Variants in SLIT3 observed in about 807,000 individuals in gnomAD.
The protein encoded by SLIT3 is slit guidance ligand 3, also known as slit homolog 3 protein.
SLIT3 carries 68 observed loss-of-function variants against 184.0 expected under a neutral mutation model. The ratio of observed to expected loss-of-function variants is 0.37; its 90% CI spans 0.30 to 0.45. SLIT3 has a LOEUF of 0.45. Among genes scored for constraint, SLIT3 ranks in the 20% least tolerant of loss-of-function variants. SLIT3 has a pLI of 1.00. For missense variants in SLIT3, 1,707 were observed against 2,026.0 expected, an observed-to-expected ratio of 0.84 and a Z score of 3.02; for synonymous variants, 831 against 828.6, an observed-to-expected ratio of 1.00 and a Z score of -0.05.
At chr5:168,702,664 A>G (rs1294952311) in intron 26 of SLIT3, among the ~76,000 whole-genome samples, 1 of 138,758 alleles carries the variant, frequency 7.2e-6, no homozygotes. Flanking sequence ...TGGCAGCTCC[A>G]TAAATAATAG....
At chr5:169,238,047 C>T (rs534116774) in intron 3 of SLIT3, among the ~76,000 whole-genome samples, 32 of 152,184 alleles carry the variant, frequency 2.1e-4, no homozygotes, top group East Asian at 3.9e-4. Flanking sequence ...TTTCTGGGCT[C>T]GCTATTCTGT....
At chr5:168,919,885 G>A (rs976305580) in intron 4 of SLIT3, among the ~76,000 whole-genome samples, 4 of 152,098 alleles carry the variant, frequency 2.6e-5, no homozygotes, top group African/African-American at 9.7e-5. Flanking sequence ...TCTTTGATGC[G>A]AGGTTTTGAT....
At position 169,265,550 on chromosome 5, in the gene SLIT3, C is replaced by T. The variant is rs35705333; in HGVS notation, c.198-14091G>A. Among the ~76,000 whole-genome samples, 621 of 152,302 alleles carry T rather than the reference C, an allele frequency of 4.1e-3. 2 individuals carry two copies. Among genetic ancestry groups the T allele is most frequent in the African/African-American group, 0.011 (463 of 41,564 alleles). On this transcript the variant is annotated intron_variant, in intron 1 of 35. Transcript: ENST00000519560. The stretch of plus-strand genomic sequence containing the variant: ...TTGAGATCCCTGCTGCCAAACATAG[C>T]GCTTAAGGTGGCAGGCCCTAGAATC...
At chr5:168,968,948 G>C (rs1581254839) in intron 4 of SLIT3, among the ~76,000 whole-genome samples, 1 of 152,186 alleles carries the variant, frequency 6.6e-6, no homozygotes, top group African/African-American at 2.4e-5. Context: ...GGAAACCCAG[G>C]TGGAGTCTAC....
In SLIT3 at chr5:168,686,985, C is replaced by T; in HGVS notation, c.3308G>A (p.Gly1103Asp). 6.2e-7 allele frequency: 1 copy of T among 1,613,780 alleles called. No homozygotes were observed. Among genetic ancestry groups the T allele is most frequent in the Non-Finnish European group, 8.5e-7 (1 of 1,179,680 alleles). ...INGYTCTCPQGFSGPFCEHPP... is the reference protein window; with the variant it reads ...INGYTCTCPQDFSGPFCEHPP... ...AGGTGCCCTCCTGCCTTACCTGAAG[C>T]CCTGGGGGCAGGTGCATGTGTAGCC... is the stretch of plus-strand genomic sequence containing the variant. The change falls in exon 30 of 36, where the codon GGC (glycine) becomes GAC (aspartate). Residue 1103 changes from glycine to aspartate, a missense_variant. This residue lies in a region of SLIT3 where 1,307 missense variants were observed against 1,511.6 expected (regional missense o/e 0.86). Transcript: ENST00000519560.
In SLIT3 at chr5:168,897,338, C is replaced by T. The variant is rs552309027; in HGVS notation, c.414-14002G>A. Among the ~76,000 whole-genome samples the T allele has an allele frequency of 2.1e-3, 326 of 152,106 alleles. 3 individuals are homozygous for T. The highest frequency in any genetic ancestry group is 7.5e-3 in the African/African-American group (312 of 41,474). ...GGCTGCTCCAGGAGCCAGGGACAGA[C>T]CAGAAAGTCAGCCTCTGAGTGCTGA... On this transcript the variant is annotated intron_variant, in intron 4 of 35. Transcript: ENST00000519560.
At chr5:168,758,885 G>T (rs1755044755) in intron 16 of SLIT3, among the ~76,000 whole-genome samples, 1 of 152,220 alleles carries the variant, frequency 6.6e-6, no homozygotes, top group African/African-American at 2.4e-5. Flanking sequence ...CTTTCTGAGT[G>T]CTGATATGAT....
At chr5:168,972,634 A>G (rs1050338366) in intron 4 of SLIT3, among the ~76,000 whole-genome samples, 2 of 152,050 alleles carry the variant, frequency 1.3e-5, no homozygotes, top group African/African-American at 2.4e-5. Flanking sequence ...ATGACACGAG[A>G]TGGCCACTGG....
chr5:169,085,307 C>T (rs1759247656), intron 4 of SLIT3, among the ~76,000 whole-genome samples: 1 of 152,158 alleles, frequency 6.6e-6, no homozygotes, highest in African/African-American at 2.4e-5. Context: ...TGTGGAGCAG[C>T]CTGTTGTCTC....
chr5:169,176,102 C>A (rs896859994), intron 4 of SLIT3, among the ~76,000 whole-genome samples: 1 of 152,156 alleles, frequency 6.6e-6, no homozygotes, highest in Admixed American at 6.5e-5. Context: ...CACCACCAAG[C>A]CCACAGTGAG....
intron 13 of SLIT3, among the ~76,000 whole-genome samples, chr5:168,773,490 C>A (rs921302850): frequency 2.6e-5 from 4 of 152,052 alleles, no homozygotes; most frequent in Admixed American, 1.3e-4. Flanking sequence ...ACGTGGTCGG[C>A]GTCAATATAT....
At chr5:168,716,199 T>A (rs1281585821) in intron 23 of SLIT3, among the ~76,000 whole-genome samples, 2 of 152,264 alleles carry the variant, frequency 1.3e-5, no homozygotes, top group East Asian at 3.9e-4. Flanking sequence ...ATAGTCTCGA[T>A]CTCTTGACCT....
intron 4 of SLIT3, among the ~76,000 whole-genome samples, chr5:169,186,461 T>A (rs1307574314): frequency 1.3e-5 from 2 of 152,202 alleles, no homozygotes; most frequent in Non-Finnish European, 2.9e-5. Flanking sequence ...GTGTGTGGTA[T>A]TTTGTGATGG....
At chr5:168,754,868 T>C (rs1475336985) in intron 16 of SLIT3, among the ~76,000 whole-genome samples, 1 of 152,198 alleles carries the variant, frequency 6.6e-6, no homozygotes, top group Non-Finnish European at 1.5e-5. Flanking sequence ...TCAAACTTAT[T>C]TTCTGTCTTC....
intron 6 of SLIT3, among the ~76,000 whole-genome samples, chr5:168,834,686 C>CAAAAAAAAAAA (rs540528948): frequency 2.7e-5 from 1 of 37,426 alleles, no homozygotes; most frequent in African/African-American, 1.0e-4. Flanking sequence ...GACTCTGTCT[C>CAAAAAAAAAAA]AAAAAAAAAA....
chr5:169,166,312 C>G (rs1337148972), intron 4 of SLIT3, among the ~76,000 whole-genome samples: 3 of 152,112 alleles, frequency 2.0e-5, no homozygotes, highest in East Asian at 3.9e-4. Flanking sequence ...GTGAATTATT[C>G]TCTCAACGTG....
chr5:169,145,106 G>A (rs1286564791), intron 4 of SLIT3, among the ~76,000 whole-genome samples: 2 of 152,148 alleles, frequency 1.3e-5, no homozygotes, highest in East Asian at 1.9e-4. Context: ...TTTGTTCAAG[G>A]TGCATCATCA....
intron 4 of SLIT3, among the ~76,000 whole-genome samples, chr5:169,099,454 G>A (rs1759924807): frequency 6.6e-6 from 1 of 152,118 alleles, no homozygotes; most frequent in South Asian, 2.1e-4. Context: ...AGACACTGGG[G>A]ATGCAAAAAG....
chr5:169,080,043 A>C (rs1288037118), intron 4 of SLIT3, among the ~76,000 whole-genome samples: 1 of 151,688 alleles, frequency 6.6e-6, no homozygotes, highest in Non-Finnish European at 1.5e-5. Context: ...GGGGGTTTGC[A>C]TAGGGGAGAG....
Sources: allele counts gnomAD v4.1 joint callset (sites outside exome capture counted in the v4.1 genomes callset), GRCh38; gene constraint gnomAD v4.1.1; regional missense constraint gnomAD v4.1.1; transcripts MANE v1.5; gene names NCBI Gene and HGNC (gene_info 2026-07-23, HGNC 2026-07-21).